PGCKA1: variants seen among roughly 807,000 people sequenced by gnomAD.
PGCKA1 encodes PDCD10 and GCKIII kinases associated 1, also known as PDCD10 and GCKIII kinases-associated protein 1.
the PGCKA1 span, among the ~76,000 whole-genome samples, chr4:37,474,324 T>C: frequency 2.0e-5 from 3 of 151,882 alleles, 1 homozygote; most frequent in African/African-American, 7.3e-5. Context: ...AAAATAAAAG[T>C]CCCCCTGACC....
the PGCKA1 span, among the ~76,000 whole-genome samples, chr4:37,572,167 A>C: frequency 7.4e-6 from 1 of 135,832 alleles, no homozygotes; most frequent in Non-Finnish European, 1.5e-5. Context: ...GGTTCACGCC[A>C]TTCTCCTGCC....
the PGCKA1 span, chr4:37,589,016 G>C: frequency 2.0e-5 from 15 of 731,970 alleles, no homozygotes; most frequent in Non-Finnish European, 2.9e-5. Context: ...GATCAACATT[G>C]CCAACACATT....
the PGCKA1 span, among the ~76,000 whole-genome samples, chr4:37,583,769 C>T: frequency 6.6e-6 from 1 of 152,090 alleles, no homozygotes; most frequent in Admixed American, 6.5e-5. Context: ...CACAGCCATC[C>T]TAATGGTGTT....
the PGCKA1 span, among the ~76,000 whole-genome samples, chr4:37,570,802 A>C: frequency 2.0e-5 from 3 of 152,228 alleles, no homozygotes; most frequent in Non-Finnish European, 4.4e-5. Flanking sequence ...AGTTTGTTGA[A>C]TAGAACCCTT....
the PGCKA1 span, among the ~76,000 whole-genome samples, chr4:37,519,842 T>A: frequency 6.6e-6 from 1 of 152,214 alleles, no homozygotes; most frequent in Admixed American, 6.5e-5. Flanking sequence ...GTATTCCAGT[T>A]CTTAGAAGAA....
At chr4:37,458,559 G>A in the PGCKA1 span, among the ~76,000 whole-genome samples, 1 of 152,196 alleles carries the variant, frequency 6.6e-6, no homozygotes, top group Non-Finnish European at 1.5e-5. Flanking sequence ...CATCGGCCAT[G>A]TCACGTGGGG....
the PGCKA1 span, among the ~76,000 whole-genome samples, chr4:37,571,295 CT>C: frequency 6.8e-6 from 1 of 147,534 alleles, no homozygotes; most frequent in Admixed American, 6.8e-5. Context: ...GGTTGGTAGA[CT>C]TTTGATGAGC....
At chr4:37,464,008 C>T in the PGCKA1 span, among the ~76,000 whole-genome samples, 23 of 152,218 alleles carry the variant, frequency 1.5e-4, no homozygotes, top group African/African-American at 2.4e-4. Context: ...AGTACACCCG[C>T]GCCCATAAGT....
the PGCKA1 span, among the ~76,000 whole-genome samples, chr4:37,553,209 A>G: frequency 6.6e-6 from 1 of 150,842 alleles, no homozygotes; most frequent in Non-Finnish European, 1.5e-5. Context: ...ATAGAAACAC[A>G]TATTTTCCAG....
chr4:37,470,727 A>G, the PGCKA1 span, among the ~76,000 whole-genome samples: 1 of 152,170 alleles, frequency 6.6e-6, no homozygotes, highest in Non-Finnish European at 1.5e-5. Flanking sequence ...TATGCTTAGT[A>G]TTTTCATTGT....
chr4:37,494,838 T>C, the PGCKA1 span, among the ~76,000 whole-genome samples: 1 of 152,162 alleles, frequency 6.6e-6, no homozygotes, highest in South Asian at 2.1e-4. Flanking sequence ...CAAGATGGTA[T>C]CTCATTATGG....
chr4:37,554,347 ATATT>A, the PGCKA1 span, among the ~76,000 whole-genome samples: 1 of 150,190 alleles, frequency 6.7e-6, no homozygotes, highest in Non-Finnish European at 1.5e-5. Flanking sequence ...TCCTTTAGAA[ATATT>A]TATTTATTTA....
At chr4:37,458,115 C>T in the PGCKA1 span, among the ~76,000 whole-genome samples, 1 of 152,120 alleles carries the variant, frequency 6.6e-6, no homozygotes, top group Non-Finnish European at 1.5e-5. Flanking sequence ...GGTCTAACCA[C>T]CTTAATTTAC....
the PGCKA1 span, among the ~76,000 whole-genome samples, chr4:37,534,362 A>C: frequency 1.3e-5 from 2 of 152,166 alleles, no homozygotes; most frequent in Non-Finnish European, 2.9e-5. Flanking sequence ...CCGTTTTCTT[A>C]ACCTTAAAGC....
At chr4:37,495,888 C>G in the PGCKA1 span, among the ~76,000 whole-genome samples, 1 of 152,144 alleles carries the variant, frequency 6.6e-6, no homozygotes, top group Non-Finnish European at 1.5e-5. Flanking sequence ...TTCATGTCCT[C>G]TGCCAACTTT....
the PGCKA1 span, among the ~76,000 whole-genome samples, chr4:37,555,351 C>T: frequency 6.6e-6 from 1 of 152,154 alleles, no homozygotes; most frequent in African/African-American, 2.4e-5. Flanking sequence ...TTGTTCAAAA[C>T]AAAAACAAGA....
the PGCKA1 span, among the ~76,000 whole-genome samples, chr4:37,592,582 T>G: frequency 6.6e-6 from 1 of 152,190 alleles, no homozygotes; most frequent in Non-Finnish European, 1.5e-5. Flanking sequence ...TTAAAGGCAT[T>G]AAGGATGCTC....
At chr4:37,584,221 T>A in the PGCKA1 span, 1 of 152,250 alleles carries the variant, frequency 6.6e-6, no homozygotes, top group East Asian at 1.9e-4. Context: ...CCCACCCTTT[T>A]CGTCAGCAGT....
chr4:37,562,412 C>G, the PGCKA1 span, among the ~76,000 whole-genome samples: 3 of 152,134 alleles, frequency 2.0e-5, no homozygotes, highest in Admixed American at 2.0e-4. Flanking sequence ...AAGTTTTAGG[C>G]AGGGGAAGTG....
Sources: gnomAD v4.1 joint callset for allele counts (sites outside exome capture counted in the v4.1 genomes callset) on GRCh38, gnomAD v4.1.1 for gene constraint, MANE v1.5 for transcripts, NCBI Gene and HGNC (gene_info 2026-07-23, HGNC 2026-07-21) for gene names.